CLSTN2: variants seen among roughly 807,000 people sequenced by gnomAD.
The protein encoded by CLSTN2 is calsyntenin-2.
In CLSTN2, 48 loss-of-function variants were observed where a neutral mutation model predicts 101.2. The ratio of observed to expected loss-of-function variants is 0.47; its 90% CI spans 0.38 to 0.60. The LOEUF is 0.60. Among genes scored for constraint, CLSTN2 ranks in the 20% least tolerant of loss-of-function variants. The probability of loss-of-function intolerance (pLI) is 0.00; values close to 1 mark genes in which losing one functional copy is unlikely to be tolerated. For missense variants in CLSTN2, 1,160 were observed against 1,238.2 expected (o/e 0.94, Z 0.95); for synonymous variants, 481 against 463.6 (o/e 1.04, Z -0.48).
At position 140,448,832 on chromosome 3, in the gene CLSTN2, A is replaced by T; in HGVS notation, c.973+128A>T. 4 of 810,528 alleles carry T rather than the reference A, an allele frequency of 4.9e-6. 1 individual carries two copies. In the South Asian group the frequency reaches 8.9e-5, roughly 18 times the overall value. The allele number at this position is 810,528 out of a possible 1,614,324, so 50.2% of individuals were successfully genotyped here. On this transcript the variant is annotated intron_variant, in intron 6 of 16. Coordinates refer to ENST00000458420, the MANE Select transcript of CLSTN2 (RefSeq NM_022131.3). ...CTGCACTGATATGTGTAACTCCTGG[A>T]TGGATTTTAAGTTTACTTATGGCAG...
intron 5 of CLSTN2, among the ~76,000 whole-genome samples, chr3:140,424,647 C>T (rs1005452474): frequency 1.3e-5 from 2 of 152,204 alleles, no homozygotes; most frequent in Non-Finnish European, 2.9e-5. Context: ...TTGTTACTTG[C>T]AGATGATGCA....
intron 1 of CLSTN2, among the ~76,000 whole-genome samples, chr3:139,969,646 A>T (rs550489891): frequency 1.3e-5 from 2 of 152,254 alleles, no homozygotes; most frequent in Admixed American, 1.3e-4. Context: ...CAACTGCGTG[A>T]GTGTCTTCAC....
chr3:140,121,262 C>T (rs1476946615), intron 1 of CLSTN2, among the ~76,000 whole-genome samples: 2 of 152,078 alleles, frequency 1.3e-5, no homozygotes, highest in Non-Finnish European at 2.9e-5. Context: ...CAGAGTGTAC[C>T]ACGGGAAGAG....
chr3:140,112,787 C>A (rs1294528405), intron 1 of CLSTN2, among the ~76,000 whole-genome samples: 2 of 152,076 alleles, frequency 1.3e-5, no homozygotes, highest in African/African-American at 2.4e-5. Context: ...CTAGGCAAAT[C>A]CTGCTTGTTG....
Position 140,475,525 on chromosome 3 carries a change from C to T in CLSTN2, c.1344+8794C>T, listed in dbSNP as rs79604150. On this transcript the variant is annotated intron_variant, in intron 8 of 16. Coordinates refer to ENST00000458420, the MANE Select transcript of CLSTN2 (RefSeq NM_022131.3). ...TGAAGAGCCTATTCTAAAGAAGAATCCACACTCTCAGTGAAGAGAGCTACA... is the reference window on the plus strand; with the variant it reads ...TGAAGAGCCTATTCTAAAGAAGAATTCACACTCTCAGTGAAGAGAGCTACA... Among the ~76,000 whole-genome samples, 1,145 of 152,298 alleles carry T rather than the reference C, an allele frequency of 7.5e-3. 9 individuals are homozygous for T. The highest frequency in any genetic ancestry group is 0.025 in the African/African-American group (1,055 of 41,554).
intron 2 of CLSTN2, among the ~76,000 whole-genome samples, chr3:140,311,329 A>G (rs1227239354): frequency 1.3e-5 from 1 of 76,508 alleles, no homozygotes; most frequent in Non-Finnish European, 2.2e-5. Context: ...TTTTTGAGAC[A>G]GAGTCTCTCT....
intron 1 of CLSTN2, among the ~76,000 whole-genome samples, chr3:139,969,115 C>T (rs138137607): frequency 1.2e-3 from 178 of 152,164 alleles, no homozygotes; most frequent in Non-Finnish European, 2.2e-3. Context: ...AGCCAGCCTG[C>T]GAGATGGATA....
At chr3:140,083,832 G>A (rs1039443378) in intron 1 of CLSTN2, among the ~76,000 whole-genome samples, 1 of 152,240 alleles carries the variant, frequency 6.6e-6, no homozygotes. Context: ...ATACAAAGGA[G>A]TGAAGATATT....
chr3:140,062,986 AT>A (rs1319815128), intron 1 of CLSTN2, among the ~76,000 whole-genome samples: 17 of 152,352 alleles, frequency 1.1e-4, no homozygotes, highest in Admixed American at 4.6e-4. Flanking sequence ...AATATTAAAA[AT>A]TGTGATCTTG....
intron 2 of CLSTN2, among the ~76,000 whole-genome samples, chr3:140,210,804 C>T (rs191335620): frequency 9.9e-5 from 15 of 151,948 alleles, no homozygotes; most frequent in South Asian, 2.1e-4. Context: ...ACAGAATGAA[C>T]GTAATTATAA....
chr3:140,271,744 A>G (rs556899983), intron 2 of CLSTN2, among the ~76,000 whole-genome samples: 14 of 152,348 alleles, frequency 9.2e-5, no homozygotes, highest in Middle Eastern at 3.4e-3. Context: ...CATTCAGACC[A>G]TAGCAAAAAG....
At chr3:140,376,492 T>A (rs536585498) in intron 2 of CLSTN2, among the ~76,000 whole-genome samples, 2 of 152,354 alleles carry the variant, frequency 1.3e-5, no homozygotes, top group South Asian at 4.1e-4. Context: ...TTCCTCTATT[T>A]CTTCTCAGTT....
At chr3:140,077,760 A>T (rs1471739827) in intron 1 of CLSTN2, among the ~76,000 whole-genome samples, 1 of 151,894 alleles carries the variant, frequency 6.6e-6, no homozygotes, top group Non-Finnish European at 1.5e-5. Context: ...CTCACTGCCC[A>T]CAAAGCTCTT....
At chr3:140,047,580 G>T (rs1192724701) in intron 1 of CLSTN2, among the ~76,000 whole-genome samples, 1 of 152,110 alleles carries the variant, frequency 6.6e-6, no homozygotes, top group Non-Finnish European at 1.5e-5. Context: ...TTATAAAGAA[G>T]GGAATTTATT....
chr3:140,054,409 A>G (rs1327098619), intron 1 of CLSTN2, among the ~76,000 whole-genome samples: 1 of 152,166 alleles, frequency 6.6e-6, no homozygotes, highest in Non-Finnish European at 1.5e-5. Context: ...AAAGCTGTCC[A>G]TATGCAGATA....
intron 8 of CLSTN2, among the ~76,000 whole-genome samples, chr3:140,517,775 T>C (rs574585517): frequency 3.9e-5 from 6 of 152,156 alleles, no homozygotes; most frequent in Non-Finnish European, 7.3e-5. Flanking sequence ...TTGTTTATTG[T>C]ACTAATTTTG....
chr3:139,976,030 A>G (rs2107821157), intron 1 of CLSTN2, among the ~76,000 whole-genome samples: 1 of 152,360 alleles, frequency 6.6e-6, no homozygotes, highest in Non-Finnish European at 1.5e-5. Flanking sequence ...CAAAAGACTG[A>G]AAAATACAAC....
chr3:140,091,368 G>C (rs1169237191), intron 1 of CLSTN2, among the ~76,000 whole-genome samples: 1 of 152,096 alleles, frequency 6.6e-6, no homozygotes, highest in African/African-American at 2.4e-5. Flanking sequence ...CCTCATCCTG[G>C]ACACCCATTC....
intron 1 of CLSTN2, among the ~76,000 whole-genome samples, chr3:139,957,979 G>A (rs1197877535): frequency 2.0e-5 from 3 of 152,158 alleles, no homozygotes; most frequent in Non-Finnish European, 4.4e-5. Context: ...CTCTTTTCCT[G>A]CTGAGTTACT....
Sources: allele counts gnomAD v4.1 joint callset (sites outside exome capture counted in the v4.1 genomes callset), GRCh38; gene constraint gnomAD v4.1.1; transcripts MANE v1.5; gene names NCBI Gene and HGNC (gene_info 2026-07-23, HGNC 2026-07-21).